The following DENND6A variants were observed in gnomAD, a reference collection of about 807,000 sequenced individuals.
The protein encoded by DENND6A is protein DENND6A.
In DENND6A, 43 loss-of-function variants were observed where a neutral mutation model predicts 95.5. The ratio of observed to expected loss-of-function variants is 0.45; its 90% CI spans 0.35 to 0.58. The LOEUF (loss-of-function observed/expected upper bound fraction) is 0.58, where lower values mean the gene tolerates loss of function less well. DENND6A is among the 20% of genes least tolerant of loss of function. The pLI is 0.00. For synonymous variants in DENND6A, 257 were observed against 260.4 expected (o/e 0.99, Z 0.13); for missense variants, 574 against 736.0 (o/e 0.78, Z 2.55).
At chr3:57,660,732 A>T in intron 7 of DENND6A, 28 bp downstream of exon 7, 2 of 1,560,842 alleles carry the variant, frequency 1.3e-6, no homozygotes, top group Admixed American at 3.9e-5. Context: ...AAAAATAAAA[A>T]GGAGACAATT....
At chr3:57,666,876 C>T (rs139852744) in intron 3 of DENND6A, among the ~76,000 whole-genome samples, 3,655 of 152,040 alleles carry the variant, frequency 0.024, 68 homozygotes, top group Non-Finnish European at 0.035. Flanking sequence ...TTACCCAATA[C>T]GATCACTAAG....
intron 9 of DENND6A, among the ~76,000 whole-genome samples, chr3:57,648,700 A>C (rs1343221979): frequency 6.6e-6 from 1 of 152,220 alleles, no homozygotes; most frequent in Non-Finnish European, 1.5e-5. Context: ...CAGAGAACCC[A>C]GAGATAAAGC....
rs2070641827 is a variant in DENND6A, at chr3:57,630,432, G to A, written c.1609C>T (p.Leu537Phe). The A allele has an allele frequency of 6.3e-7, 1 of 1,584,016 alleles. No individual in the cohort carries two copies. The highest frequency in any genetic ancestry group is 8.5e-7 in the Non-Finnish European group (1 of 1,173,400). ...CACAGTTTTCGAACCTCTTCACAAA[G>A]AGCTTCTAGATGGAGTGCCTCCAAT... is the stretch of plus-strand genomic sequence containing the variant. Reference protein sequence around the residue: ...QKLEALHLEALCEEDLLLWIQ... With the variant: ...QKLEALHLEAFCEEDLLLWIQ... Residue 537 changes from leucine (L) to phenylalanine (F), a missense_variant, in exon 18 of 20, where the codon CTT becomes TTT. Leu to Phe is a conservative substitution (Grantham distance 22, BLOSUM62 0). Around this residue, in one of 2 missense-constraint regions of DENND6A, gnomAD observed 452 missense variants for 630.9 expected, o/e 0.72. Coordinates refer to ENST00000311128, the MANE Select transcript of DENND6A (RefSeq NM_152678.3).
chr3:57,670,027 AAAAAAAAAAAG>A (rs2071590078), intron 3 of DENND6A, among the ~76,000 whole-genome samples: 1 of 150,680 alleles, frequency 6.6e-6, no homozygotes, highest in Non-Finnish European at 1.5e-5. Context: ...CTCAAAAAAA[AAAAAAAAAAAG>A]AAAAAAGAAA....
intron 9 of DENND6A, among the ~76,000 whole-genome samples, chr3:57,646,886 A>G (rs1451311802): frequency 6.6e-6 from 1 of 152,210 alleles, no homozygotes; most frequent in Non-Finnish European, 1.5e-5. Context: ...AATGATGACA[A>G]ATCACAAGGG....
At chr3:57,631,444 T>A (rs192740841) in intron 15 of DENND6A, among the ~76,000 whole-genome samples, 19 of 152,274 alleles carry the variant, frequency 1.2e-4, no homozygotes, top group Admixed American at 1.3e-4. Flanking sequence ...TCCACCTGCC[T>A]CAGCCTCCCA....
At chr3:57,691,315 G>A (rs1220545263) in intron 1 of DENND6A, among the ~76,000 whole-genome samples, 1 of 152,180 alleles carries the variant, frequency 6.6e-6, no homozygotes, top group Non-Finnish European at 1.5e-5. Flanking sequence ...ATAAGATAAA[G>A]AATTGCTCAC....
At chr3:57,658,262 G>A (rs149132677) in intron 8 of DENND6A, among the ~76,000 whole-genome samples, 30 of 151,966 alleles carry the variant, frequency 2.0e-4, no homozygotes, top group Non-Finnish European at 3.8e-4. Flanking sequence ...TTAATCCCAA[G>A]CTCATGCCTG....
At chr3:57,642,806 G>A (rs1227214389) in intron 11 of DENND6A, among the ~76,000 whole-genome samples, 3 of 152,092 alleles carry the variant, frequency 2.0e-5, no homozygotes, top group Non-Finnish European at 4.4e-5. Context: ...AGGAGTTCGA[G>A]ACCAACCTGG....
Position 57,692,950 on chromosome 3 carries a change from C to T in DENND6A, c.69G>A (p.Gly23=), listed in dbSNP as rs1362276170. The T allele has an allele frequency of 9.7e-6, 15 of 1,550,006 alleles. 1 individual carries two copies. The highest frequency in any genetic ancestry group is 3.7e-4 in the Middle Eastern group (2 of 5,458). ...GGGCCGGCGCCTCGCGGCCCTCGGC[C>T]CCTGCCACCGCTTCGTCCAACGGCC... The part of the protein sequence containing the change: ...SRRPLDEAVA[G]AEGREAPALV... Residue 23 remains glycine (G), a synonymous_variant, in exon 1 of 20, where the codon GGG becomes GGA. Coordinates refer to ENST00000311128, the MANE Select transcript of DENND6A (RefSeq NM_152678.3).
intron 3 of DENND6A, among the ~76,000 whole-genome samples, chr3:57,670,771 A>C (rs1369072544): frequency 6.6e-6 from 1 of 152,198 alleles, no homozygotes. Flanking sequence ...AGCCATGACA[A>C]CCAGCTATGA....
chr3:57,675,366 G>A (rs903521149), intron 1 of DENND6A, among the ~76,000 whole-genome samples: 56 of 152,256 alleles, frequency 3.7e-4, no homozygotes, highest in African/African-American at 1.3e-3. Context: ...ATAATCTAAA[G>A]AGAAAATAAT....
intron 7 of DENND6A, among the ~76,000 whole-genome samples, chr3:57,659,927 C>A (rs1330044373): frequency 1.3e-5 from 2 of 152,196 alleles, no homozygotes; most frequent in Non-Finnish European, 2.9e-5. Flanking sequence ...TCTGGAGGCA[C>A]TGGCAGGGCC....
At position 57,659,200 on chromosome 3, in the gene DENND6A, T is replaced by C; in HGVS notation, c.700-20A>G. The C allele has an allele frequency of 6.2e-7, 1 of 1,612,956 alleles. No homozygotes were observed. Among genetic ancestry groups the C allele is most frequent in the East Asian group, 2.2e-5 (1 of 44,856 alleles). On this transcript the variant is annotated intron_variant, in intron 7 of 19. Coordinates refer to ENST00000311128, the MANE Select transcript of DENND6A (RefSeq NM_152678.3). ...CCGTACCTAAAAGAAAGACAGGAAATTATTTTTGGTTATAAAAGAATGGAG... is the reference window on the plus strand; with the variant it reads ...CCGTACCTAAAAGAAAGACAGGAAACTATTTTTGGTTATAAAAGAATGGAG...
At chr3:57,651,356 T>C (rs182962868) in intron 9 of DENND6A, among the ~76,000 whole-genome samples, 59 of 152,330 alleles carry the variant, frequency 3.9e-4, no homozygotes, top group Non-Finnish European at 6.8e-4. Flanking sequence ...TACTGATTCA[T>C]GATACTGCAC....
At chr3:57,657,000 A>C (rs551700773) in intron 9 of DENND6A, among the ~76,000 whole-genome samples, 1 of 152,298 alleles carries the variant, frequency 6.6e-6, no homozygotes, top group African/African-American at 2.4e-5. Flanking sequence ...ATCCATTTTA[A>C]GTCTTTCATG....
At chr3:57,645,904 AAGAC>A (rs1048942011) in intron 10 of DENND6A, 148 bp from the exon 11 acceptor site, 7 of 627,856 alleles carry the variant, frequency 1.1e-5, no homozygotes, top group Middle Eastern at 3.4e-4. Context: ...CAGAATTAGA[AAGAC>A]AGATATATGT....
chr3:57,630,989 G>A lies in DENND6A; in HGVS notation c.1354-11C>T. On this transcript the variant is annotated splice_polypyrimidine_tract_variant and intron_variant, in intron 15 of 19. Coordinates refer to ENST00000311128, the MANE Select transcript of DENND6A (RefSeq NM_152678.3). ...TGCCACATATCTTTCCTAAAACCAA[G>A]AAAAAAGTTAATAAAAGGAGTGTCT... 1.2e-6 allele frequency: 2 copies of A among 1,608,186 alleles called. No homozygotes were observed. Among genetic ancestry groups the A allele is most frequent in the Non-Finnish European group, 8.5e-7 (1 of 1,178,600 alleles).
chr3:57,664,287 G>A (rs9815770), intron 4 of DENND6A, among the ~76,000 whole-genome samples: 83 of 152,266 alleles, frequency 5.5e-4, no homozygotes, highest in Non-Finnish European at 1.1e-3. Context: ...TCAGTTACAC[G>A]TTAACCCAAT....
Sources: gnomAD v4.1 joint callset for allele counts (sites outside exome capture counted in the v4.1 genomes callset) on GRCh38, gnomAD v4.1.1 for gene constraint, gnomAD v4.1.1 regional missense constraint, MANE v1.5 for transcripts, NCBI Gene and HGNC (gene_info 2026-07-23, HGNC 2026-07-21) for gene names.